Variants in SLC30A10 observed in about 807,000 individuals in gnomAD.
SLC30A10 encodes solute carrier family 30 member 10, also known as calcium/manganese antiporter SLC30A10.
SLC30A10 carries 8 observed loss-of-function variants against 21.7 expected under a neutral mutation model. The ratio of observed to expected loss-of-function variants is 0.37; its 90% CI spans 0.22 to 0.67. SLC30A10 has a LOEUF of 0.67. SLC30A10 is among the 30% of genes least tolerant of loss of function. SLC30A10 has a pLI of 0.58. For synonymous variants in SLC30A10, 272 were observed against 279.4 expected (o/e 0.97, Z 0.26); for missense variants, 521 against 642.5 (o/e 0.81, Z 2.04).
intron 2 of SLC30A10, among the ~76,000 whole-genome samples, chr1:219,919,840 C>G (rs1394063604): frequency 6.6e-6 from 1 of 151,354 alleles, no homozygotes; most frequent in African/African-American, 2.4e-5. Context: ...AAGCACTGCT[C>G]TAGAAGAAAG....
upstream of SLC30A10, among the ~76,000 whole-genome samples, chr1:219,930,201 G>T (rs773344280): frequency 6.6e-5 from 10 of 151,810 alleles, no homozygotes; most frequent in Non-Finnish European, 1.0e-4. Context: ...GTCAGGCGTG[G>T]TGGCTTACAC....
In SLC30A10 at chr1:219,926,761, A is replaced by G. The variant is rs1435686629; in HGVS notation, c.718+267T>C. Among the ~76,000 whole-genome samples the G allele has an allele frequency of 2.0e-5, 3 of 152,230 alleles. No homozygotes were observed. The East Asian group carries it at 5.8e-4, about 29-fold the overall frequency. On this transcript the variant is annotated intron_variant, in intron 2 of 3. Transcript: ENST00000366926. The stretch of plus-strand genomic sequence containing the variant: ...TATCCACGGACCAGTAAAACCAAGT[A>G]AAGTAGTAACACAATATTAATATGT...
upstream of SLC30A10, among the ~76,000 whole-genome samples, chr1:219,931,602 T>A (rs1426127643): frequency 6.6e-6 from 1 of 152,108 alleles, no homozygotes; most frequent in African/African-American, 2.4e-5. Flanking sequence ...TGCCTCAGCC[T>A]CCCGAGTAGC....
At chr1:219,926,965 T>G in intron 2 of SLC30A10, 63 bp downstream of exon 2, 1 of 1,335,410 alleles carries the variant, frequency 7.5e-7, no homozygotes. Flanking sequence ...CAAACAGAAA[T>G]AAACAACACA....
intron 2 of SLC30A10, among the ~76,000 whole-genome samples, chr1:219,926,033 C>T (rs565272668): frequency 1.3e-5 from 2 of 152,128 alleles, no homozygotes; most frequent in South Asian, 4.2e-4. Flanking sequence ...TACAGATTCT[C>T]TTTTAAAAGC....
At position 219,918,399 on chromosome 1, in the gene SLC30A10, G is replaced by T. The variant is rs759946405; in HGVS notation, c.814C>A (p.Pro272Thr). Residue 272 changes from proline (P) to threonine (T), a missense_variant, in exon 3 of 4, where the codon CCG becomes ACG. Coordinates refer to ENST00000366926, the MANE Select transcript of SLC30A10 (RefSeq NM_018713.3). This position sits in a 1 kb window ranked among gnomAD's most constrained non-coding sequence, Gnocchi z 4.4. ...FYVLPLKSED[P>T]CNWQCYIDPS... ...TCAATGTAACACTGCCAGTTACACG[G>T]GTCCTCACTCTTCAGGGGAAGCACA... 1.2e-6 allele frequency: 2 copies of T among 1,614,000 alleles called. No individual in the cohort carries two copies. Among genetic ancestry groups the T allele is most frequent in the South Asian group, 2.2e-5 (2 of 91,076 alleles).
chr1:219,936,874 T>C (rs928947003), intron 1 of SLC30A10, among the ~76,000 whole-genome samples: 1 of 152,368 alleles, frequency 6.6e-6, no homozygotes, highest in Non-Finnish European at 1.5e-5. Flanking sequence ...CATTCTATTG[T>C]GTACCTGTAA....
At chr1:219,950,903 A>C (rs910342004) in intron 1 of SLC30A10, among the ~76,000 whole-genome samples, 2 of 152,182 alleles carry the variant, frequency 1.3e-5, no homozygotes, top group Admixed American at 6.5e-5. Flanking sequence ...AGCTGAGATC[A>C]TGCCATTGCA....
At position 219,918,233 on chromosome 1, in the gene SLC30A10, G is replaced by A; in HGVS notation, c.958+22C>T. 5.0e-6 allele frequency: 8 copies of A among 1,610,846 alleles called. No homozygotes were observed. The highest frequency in any genetic ancestry group is 4.4e-5 in the South Asian group (4 of 90,460). ...TAACATTAAATTGAGAGTGGTTCTG[G>A]ATCAAAATTCAGTCTACTTACTCAG... On this transcript the variant is annotated intron_variant, in intron 3 of 3. Transcript: ENST00000366926. The surrounding 1 kb of genome is among the most constrained non-coding windows in gnomAD (Gnocchi z 4.4).
At chr1:219,928,625 A>G, upstream of SLC30A10, 1 of 555,738 alleles carries the variant, frequency 1.8e-6, no homozygotes, top group Non-Finnish European at 3.0e-6. The surrounding 1 kb of genome is among the most constrained non-coding windows in gnomAD (Gnocchi z 6.3). Flanking sequence ...CCGCACGTCC[A>G]GAGTCTAAAG....
intron 2 of SLC30A10, 87 bp downstream of exon 2, chr1:219,926,941 G>T: frequency 1.9e-6 from 2 of 1,048,132 alleles, no homozygotes; most frequent in Non-Finnish European, 2.9e-6. Context: ...ACACACCTTT[G>T]CCTTATTAAA....
chr1:219,927,687 AAAAAC>A, intron 1 of SLC30A10, 109 bp downstream of exon 1: 1 of 621,814 alleles, frequency 1.6e-6, no homozygotes, highest in Non-Finnish European at 2.2e-6. Context: ...ACAAAAAAAA[AAAAAC>A]AGAAAAAAAG....
intron 2 of SLC30A10, among the ~76,000 whole-genome samples, chr1:219,923,999 T>G (rs998213161): frequency 2.0e-5 from 3 of 152,194 alleles, no homozygotes; most frequent in African/African-American, 7.2e-5. Context: ...GGAGGCAGTT[T>G]GTGGTGAGTC....
At chr1:219,930,103 G>A (rs1776024), upstream of SLC30A10, among the ~76,000 whole-genome samples, 148,541 of 152,180 alleles carry the variant, frequency 0.98, 72,520 homozygotes, top group East Asian at 1. Flanking sequence ...CATTCCTGAA[G>A]AATACACATG....
intron 1 of SLC30A10, among the ~76,000 whole-genome samples, chr1:219,937,906 C>T (rs1304253704): frequency 6.6e-6 from 1 of 152,202 alleles, no homozygotes; most frequent in African/African-American, 2.4e-5. Context: ...TCACTGCTTC[C>T]TATATGAGTT....
intron 2 of SLC30A10, among the ~76,000 whole-genome samples, chr1:219,925,651 ATT>A (rs1210071228): frequency 0.014 from 665 of 48,202 alleles, 4 homozygotes; most frequent in Middle Eastern, 0.023. Context: ...ATATATATAT[ATT>A]TTTTTTTTTT....
Position 219,915,652 on chromosome 1 carries a change from C to A in SLC30A10, c.1255G>T (p.Ala419Ser). The change falls in exon 4 of 4, where the codon GCA becomes TCA. Residue 419 changes from alanine (A) to serine (S), a missense_variant. Transcript: ENST00000366926. ...CAKQLCCPPG[A>S]LPLAHVNGCA... ...CCATTGACGTGAGCCAGAGGCAGTG[C>A]CCCGGGGGGACAACACAGCTGCTTA... 1 of 1,614,222 alleles carries A rather than the reference C, an allele frequency of 6.2e-7. No individual in the cohort carries two copies. The highest frequency in any genetic ancestry group is 8.5e-7 in the Non-Finnish European group (1 of 1,180,038).
upstream of SLC30A10, among the ~76,000 whole-genome samples, chr1:219,930,946 A>G (rs1227814314): frequency 1.3e-5 from 2 of 152,248 alleles, no homozygotes; most frequent in South Asian, 2.1e-4. Context: ...TGGAATTACT[A>G]TTGAACAACA....
Position 219,927,938 on chromosome 1 carries a change from C to G in SLC30A10, c.503G>C (p.Gly168Ala), listed in dbSNP as rs1384553736. The G allele has an allele frequency of 6.5e-7, 1 of 1,538,126 alleles. No homozygotes were observed. Among genetic ancestry groups the G allele is most frequent in the Admixed American group, 2.0e-5 (1 of 50,012 alleles). Residue 168 changes from glycine (G) to alanine (A), a missense_variant, in exon 1 of 4, where the codon GGG (glycine) becomes GCG (alanine). By Grantham distance (60) the Gly-to-Ala change is moderately conservative (BLOSUM62 0). Coordinates refer to ENST00000366926, the MANE Select transcript of SLC30A10 (RefSeq NM_018713.3). Reference sequence around the variant, plus strand: ...CGGGTCCTCCGCGCCCTGAGGCCCCCCGAAAGCGCCGGGGACACAGCCCTC... The same window carrying G: ...CGGGTCCTCCGCGCCCTGAGGCCCCGCGAAAGCGCCGGGGACACAGCCCTC... ...LAEGCVPGAF[G>A]GPQGAEDPRR... is the part of the protein sequence containing the mutation.
Sources: allele counts gnomAD v4.1 joint callset (sites outside exome capture counted in the v4.1 genomes callset), GRCh38; gene constraint gnomAD v4.1.1; non-coding constraint Gnocchi (gnomAD v3.1); transcripts MANE v1.5; gene names NCBI Gene and HGNC (gene_info 2026-07-23, HGNC 2026-07-21).